NAALADL2: variants seen among roughly 807,000 people sequenced by gnomAD.
The protein encoded by NAALADL2 is inactive N-acetylated-alpha-linked acidic dipeptidase-like protein 2.
Under a neutral mutation model 87.2 loss-of-function variants are expected in NAALADL2, and 76 were observed. That is an observed-to-expected ratio of 0.87 (90% CI 0.72 to 1.05). The LOEUF is 1.05. Ranked by LOEUF, NAALADL2 falls within the 50% of genes least tolerant of loss-of-function variation. The probability of loss-of-function intolerance (pLI) is 0.00; values close to 1 mark genes in which losing one functional copy is unlikely to be tolerated. For synonymous variants in NAALADL2, 354 were observed against 331.0 expected (o/e 1.07, Z -0.75); for missense variants, 1,089 against 945.8 (o/e 1.15, Z -1.99).
At chr3:174,464,538 GGTAGA>G (rs765965414) in intron 1 of NAALADL2, among the ~76,000 whole-genome samples, 5 of 151,686 alleles carry the variant, frequency 3.3e-5, no homozygotes, top group African/African-American at 7.3e-5. Flanking sequence ...ATAGTCCAGT[GGTAGA>G]GTAGTTTGTA....
chr3:175,519,746 A>G (rs978585140), intron 9 of NAALADL2, among the ~76,000 whole-genome samples: 3 of 152,156 alleles, frequency 2.0e-5, no homozygotes, highest in Non-Finnish European at 4.4e-5. Context: ...TATAAAAGAA[A>G]TTTCCTGTAT....
At chr3:174,921,876 C>CATTTG (rs1735277732) in intron 1 of NAALADL2, among the ~76,000 whole-genome samples, 1 of 149,582 alleles carries the variant, frequency 6.7e-6, no homozygotes, top group Non-Finnish European at 1.5e-5. Flanking sequence ...GTGCAAAATC[C>CATTTG]ATTTGGCAGG....
chr3:174,855,943 CAT>C (rs1725811921), upstream of NAALADL2, among the ~76,000 whole-genome samples: 1 of 140,794 alleles, frequency 7.1e-6, no homozygotes, highest in African/African-American at 2.9e-5. Flanking sequence ...TATATATACA[CAT>C]AGATATGAAT....
At chr3:175,054,035 G>C (rs971336576) in intron 1 of NAALADL2, among the ~76,000 whole-genome samples, 2 of 152,182 alleles carry the variant, frequency 1.3e-5, no homozygotes, top group Non-Finnish European at 2.9e-5. Flanking sequence ...GTCATCAGTT[G>C]TTCATCTGTA....
At chr3:175,292,905 C>T (rs1022123311) in intron 4 of NAALADL2, among the ~76,000 whole-genome samples, 7 of 151,638 alleles carry the variant, frequency 4.6e-5, no homozygotes, top group Admixed American at 2.6e-4. Flanking sequence ...GGCTTGGTGG[C>T]AGGTGCCTGT....
chr3:175,204,512 A>T lies in NAALADL2; in HGVS notation c.546-29419A>T, dbSNP rs180859288. The stretch of plus-strand genomic sequence containing the variant: ...CTGAATGGGGAAAAGTTGAAAGCTG[A>T]AAGCATTCCCTCTGAGGACTGAAAC... On this transcript the variant is annotated intron_variant, in intron 2 of 13. Transcript: ENST00000454872. 2.2e-4 allele frequency among the ~76,000 whole-genome samples: 34 copies of T among 152,254 alleles called. 1 individual carries two copies. Among genetic ancestry groups the T allele is most frequent in the Admixed American group, 2.0e-3 (30 of 15,278 alleles).
rs766720991 is a variant in NAALADL2, at chr3:175,098,505, TA to T, written c.545+1215del. 1.1e-4 allele frequency among the ~76,000 whole-genome samples: 16 copies of T among 152,154 alleles called. No individual in the cohort carries two copies. In the East Asian group the frequency reaches 1.4e-3, roughly 13 times the overall value. ...GAATGTCTGTGCACACAAGGGCAGA[TA>T]GGGGGGCATAACCTCAGCTGGAGAC... On this transcript the variant is annotated intron_variant, in intron 2 of 13. Transcript: ENST00000454872.
chr3:175,752,282 T>C (rs1003241605), intron 12 of NAALADL2, among the ~76,000 whole-genome samples: 2 of 152,058 alleles, frequency 1.3e-5, no homozygotes, highest in Non-Finnish European at 2.9e-5. Context: ...TAAAAGTATA[T>C]AAGTTAATTA....
chr3:174,715,527 C>T (rs1019143872), intron 2 of NAALADL2, among the ~76,000 whole-genome samples: 2 of 152,132 alleles, frequency 1.3e-5, no homozygotes, highest in African/African-American at 2.4e-5. Context: ...TAGGCATTCT[C>T]ACATTTCACT....
intron 2 of NAALADL2, among the ~76,000 whole-genome samples, chr3:174,701,337 G>A (rs886125692): frequency 6.6e-6 from 1 of 151,810 alleles, no homozygotes; most frequent in African/African-American, 2.4e-5. Flanking sequence ...GGGAAGGGGT[G>A]TTATGAGCTA....
At chr3:175,448,234 A>G (rs75727632) in intron 6 of NAALADL2, among the ~76,000 whole-genome samples, 2,679 of 152,342 alleles carry the variant, frequency 0.018, 83 homozygotes, top group African/African-American at 0.059. Context: ...CTGATTACCA[A>G]TTAAACAAGG....
chr3:175,193,123 G>A (rs1457706798), intron 2 of NAALADL2, among the ~76,000 whole-genome samples: 1 of 151,786 alleles, frequency 6.6e-6, no homozygotes, highest in Non-Finnish European at 1.5e-5. Context: ...CAAAATGTCA[G>A]GGATACTTAT....
intron 10 of NAALADL2, among the ~76,000 whole-genome samples, chr3:175,621,670 A>G (rs1726248426): frequency 6.6e-6 from 1 of 152,234 alleles, no homozygotes; most frequent in Non-Finnish European, 1.5e-5. Flanking sequence ...AAAATACTAT[A>G]AATAAAAAAT....
At chr3:175,334,873 C>T (rs547473819) in intron 5 of NAALADL2, among the ~76,000 whole-genome samples, 25 of 152,274 alleles carry the variant, frequency 1.6e-4, no homozygotes, top group African/African-American at 5.8e-4. Flanking sequence ...CCTGAAGATA[C>T]GACCTATCAG....
chr3:175,738,728 T>A (rs545452185), intron 12 of NAALADL2, among the ~76,000 whole-genome samples: 39 of 152,296 alleles, frequency 2.6e-4, no homozygotes, highest in African/African-American at 7.9e-4. Flanking sequence ...CTCTCCTTTT[T>A]ATATATTTAA....
intron 2 of NAALADL2, among the ~76,000 whole-genome samples, chr3:175,189,348 A>G (rs765777660): frequency 4.6e-5 from 7 of 152,244 alleles, no homozygotes; most frequent in Non-Finnish European, 8.8e-5. Context: ...TATTGTACAA[A>G]GAAACTTTTA....
At chr3:174,537,403 T>C (rs1156997422) in intron 1 of NAALADL2, among the ~76,000 whole-genome samples, 1 of 152,208 alleles carries the variant, frequency 6.6e-6, no homozygotes, top group African/African-American at 2.4e-5. Flanking sequence ...GATCATGGAA[T>C]GGACCAATTA....
intron 1 of NAALADL2, among the ~76,000 whole-genome samples, chr3:174,445,390 A>T (rs1215507545): frequency 6.6e-6 from 1 of 152,134 alleles, no homozygotes; most frequent in Non-Finnish European, 1.5e-5. Context: ...GCCTATAATT[A>T]TAGTCCCAGT....
intron 11 of NAALADL2, among the ~76,000 whole-genome samples, chr3:175,629,168 T>A (rs529060848): frequency 6.7e-6 from 1 of 148,442 alleles, no homozygotes; most frequent in South Asian, 2.1e-4. Flanking sequence ...TATATACATA[T>A]ATACACACAT....
Sources: allele counts gnomAD v4.1 joint callset (sites outside exome capture counted in the v4.1 genomes callset), GRCh38; gene constraint gnomAD v4.1.1; transcripts MANE v1.5; gene names NCBI Gene and HGNC (gene_info 2026-07-23, HGNC 2026-07-21).